WWOX: variants seen among roughly 807,000 people sequenced by gnomAD.
The protein encoded by WWOX is WW domain-containing oxidoreductase.
WWOX carries 69 observed loss-of-function variants against 46.2 expected under a neutral mutation model. The observed-to-expected ratio is 1.49, with a 90% CI of 1.23 to 1.82. The LOEUF is 1.82. Ranked by LOEUF, WWOX falls within the 40% of genes most tolerant of loss-of-function variation. The pLI, the probability that WWOX is intolerant of heterozygous loss-of-function variation, is 0.00. For missense variants in WWOX, 919 were observed against 542.6 expected (o/e 1.69, Z -6.89); for synonymous variants, 359 against 202.6 (o/e 1.77, Z -6.56).
intron 8 of WWOX, among the ~76,000 whole-genome samples, chr16:78,689,636 A>G (rs2047940737): frequency 2.0e-5 from 3 of 152,066 alleles, no homozygotes; most frequent in African/African-American, 4.8e-5. Flanking sequence ...TTAAGTTGGA[A>G]TACTCCTACC....
intron 5 of WWOX, among the ~76,000 whole-genome samples, chr16:78,318,828 T>C (rs749072548): frequency 2.6e-5 from 4 of 152,216 alleles, no homozygotes; most frequent in African/African-American, 7.2e-5. Flanking sequence ...TGACTCCTTA[T>C]ATAACTACAG....
chr16:79,192,592 G>A (rs528815656), intron 8 of WWOX, among the ~76,000 whole-genome samples: 10 of 152,216 alleles, frequency 6.6e-5, no homozygotes, highest in Non-Finnish European at 1.0e-4. Flanking sequence ...CTCTTAAGGT[G>A]CCTAGGTATT....
chr16:79,092,880 G>A (rs1035461529), intron 8 of WWOX, among the ~76,000 whole-genome samples: 1 of 152,186 alleles, frequency 6.6e-6, no homozygotes, highest in African/African-American at 2.4e-5. Flanking sequence ...TAGGAGTGGA[G>A]TTTGGATTTC....
chr16:78,602,812 C>G (rs948697556), intron 8 of WWOX, among the ~76,000 whole-genome samples: 1 of 152,160 alleles, frequency 6.6e-6, no homozygotes, highest in Non-Finnish European at 1.5e-5. Flanking sequence ...AGAGTAGATG[C>G]TATCATTCTC....
chr16:78,838,798 G>A (rs769786655), intron 8 of WWOX, among the ~76,000 whole-genome samples: 8 of 152,136 alleles, frequency 5.3e-5, no homozygotes, highest in Admixed American at 2.0e-4. Context: ...AGCCCAGATC[G>A]TGCCCCTGTA....
chr16:78,526,202 G>T (rs1003203150), intron 8 of WWOX: 1 of 152,184 alleles, frequency 6.6e-6, no homozygotes, highest in East Asian at 1.9e-4. Context: ...AGGGAGTAGC[G>T]GGGCAGAAGC....
chr16:78,428,768 G>T (rs2083147216), intron 7 of WWOX, among the ~76,000 whole-genome samples: 1 of 152,184 alleles, frequency 6.6e-6, no homozygotes, highest in Non-Finnish European at 1.5e-5. Flanking sequence ...AGCTACTCAG[G>T]AAGCTGAGGC....
intron 5 of WWOX, among the ~76,000 whole-genome samples, chr16:78,317,319 C>T (rs2080375328): frequency 6.6e-6 from 1 of 152,188 alleles, no homozygotes; most frequent in African/African-American, 2.4e-5. Flanking sequence ...CTCTCTCACT[C>T]ACATTTTAGG....
chr16:78,725,662 T>C (rs1211113124), intron 8 of WWOX, among the ~76,000 whole-genome samples: 3 of 152,100 alleles, frequency 2.0e-5, no homozygotes, highest in Non-Finnish European at 4.4e-5. Context: ...AATTGGTTTC[T>C]TAGGGTTGGA....
At chr16:78,863,494 A>G (rs1282695194) in intron 8 of WWOX, among the ~76,000 whole-genome samples, 1 of 152,184 alleles carries the variant, frequency 6.6e-6, no homozygotes, top group Non-Finnish European at 1.5e-5. Context: ...CCAATGGACC[A>G]CTGGTCCCTG....
At chr16:78,869,645 G>A (rs548948429) in intron 8 of WWOX, among the ~76,000 whole-genome samples, 53 of 152,266 alleles carry the variant, frequency 3.5e-4, no homozygotes, top group African/African-American at 1.2e-3. Context: ...CTGATTCTGC[G>A]GTATTTTTGT....
At chr16:78,956,036 T>C (rs920387511) in intron 8 of WWOX, among the ~76,000 whole-genome samples, 2 of 151,934 alleles carry the variant, frequency 1.3e-5, no homozygotes, top group African/African-American at 4.8e-5. Context: ...ACTGTTTTAG[T>C]TGGGGAGCCA....
At chr16:78,414,348 C>T (rs2082749879) in intron 6 of WWOX, among the ~76,000 whole-genome samples, 1 of 152,116 alleles carries the variant, frequency 6.6e-6, no homozygotes, top group Non-Finnish European at 1.5e-5. Context: ...GTGGGCAGAT[C>T]ACTTGAGGTC....
intron 8 of WWOX, among the ~76,000 whole-genome samples, chr16:78,758,238 G>C (rs2049705403): frequency 6.6e-6 from 1 of 152,118 alleles, no homozygotes; most frequent in Admixed American, 6.5e-5. Context: ...TAGAACTATA[G>C]TAATTCCATG....
At chr16:78,447,465 C>G (rs971412145) in intron 8 of WWOX, among the ~76,000 whole-genome samples, 2 of 152,190 alleles carry the variant, frequency 1.3e-5, no homozygotes. Flanking sequence ...TCTTAGATCA[C>G]TTAGCTAGCA....
chr16:78,507,885 C>T (rs2085253964), intron 8 of WWOX, among the ~76,000 whole-genome samples: 1 of 152,118 alleles, frequency 6.6e-6, no homozygotes, highest in Non-Finnish European at 1.5e-5. Flanking sequence ...TGGCCCAGGA[C>T]AGCTTTGAAT....
chr16:78,591,710 A>G (rs970101341), intron 8 of WWOX, among the ~76,000 whole-genome samples: 1 of 152,246 alleles, frequency 6.6e-6, no homozygotes, highest in African/African-American at 2.4e-5. Flanking sequence ...AAAGACTGAG[A>G]TAACTAAAGT....
chr16:78,893,605 A>T (rs997389668), intron 8 of WWOX, among the ~76,000 whole-genome samples: 1 of 152,100 alleles, frequency 6.6e-6, no homozygotes, highest in Non-Finnish European at 1.5e-5. Context: ...TTTTGCTTAA[A>T]TGTTGCAGCC....
intron 8 of WWOX, among the ~76,000 whole-genome samples, chr16:78,741,590 C>T (rs1446903497): frequency 6.6e-6 from 1 of 151,866 alleles, no homozygotes; most frequent in East Asian, 1.9e-4. Context: ...CACAGTGGCT[C>T]ATGCCTGTAA....
Sources: allele counts gnomAD v4.1 joint callset (sites outside exome capture counted in the v4.1 genomes callset), GRCh38; gene constraint gnomAD v4.1.1; transcripts MANE v1.5; gene names NCBI Gene and HGNC (gene_info 2026-07-23, HGNC 2026-07-21).